The following IFT81 variants were observed in gnomAD, a reference collection of about 807,000 sequenced individuals.
IFT81 encodes intraflagellar transport 81.
IFT81 carries 72 observed loss-of-function variants against 102.6 expected under a neutral mutation model. The observed-to-expected ratio is 0.70, with a 90% CI of 0.58 to 0.85. The LOEUF is 0.85. IFT81 is among the 40% of genes least tolerant of loss of function. The probability of loss-of-function intolerance (pLI) is 0.00; values close to 1 mark genes in which losing one functional copy is unlikely to be tolerated. For missense variants in IFT81, 723 were observed against 787.3 expected, an observed-to-expected ratio of 0.92 and a Z score of 0.98; for synonymous variants, 237 against 242.7, an observed-to-expected ratio of 0.98 and a Z score of 0.22.
At chr12:110,188,883 C>A (rs1897671539) in intron 12 of IFT81, among the ~76,000 whole-genome samples, 1 of 151,512 alleles carries the variant, frequency 6.6e-6, no homozygotes, top group Admixed American at 6.6e-5. Flanking sequence ...GAGCCAAGAT[C>A]GCACCACTGC....
chr12:110,189,862 G>A lies in IFT81; in HGVS notation c.1339-1058G>A, dbSNP rs576080750. ...AACTCATTCTTTATCCTTTACTTGC[G>A]TTCACATCCCTACATCTAATTTGTC... On this transcript the variant is annotated intron_variant, in intron 12 of 18. Transcript: ENST00000242591. Among the ~76,000 whole-genome samples the A allele has an allele frequency of 6.6e-5, 10 of 152,074 alleles. No individual in the cohort carries two copies. In the Middle Eastern group the frequency reaches 0.01, roughly 155 times the overall value.
intron 9 of IFT81, among the ~76,000 whole-genome samples, chr12:110,144,971 T>C (rs949152535): frequency 4.7e-5 from 7 of 149,952 alleles, no homozygotes; most frequent in African/African-American, 1.7e-4. Context: ...GTTCAAGCGA[T>C]TCTTCTACCT....
rs150626525 is a variant in IFT81, at chr12:110,147,179, T to C, written c.1041+131T>C. On this transcript the variant is annotated intron_variant, in intron 10 of 18. Coordinates refer to ENST00000242591, the MANE Select transcript of IFT81 (RefSeq NM_014055.4). ...GTTGTTCTGTCACTGCTAATCTCCA[T>C]AGTATATCAAAGAATTAGTGGAAAA... 8.2e-4 allele frequency: 486 copies of C among 595,342 alleles called. 7 individuals are homozygous for C. The East Asian group carries it at 0.013, about 16-fold the overall frequency. The allele number at this position is 595,342 out of a possible 1,614,324, so 36.9% of individuals were successfully genotyped here.
chr12:110,193,900 TCTTAATTGG>T (rs1165189252), intron 14 of IFT81, among the ~76,000 whole-genome samples: 5 of 152,136 alleles, frequency 3.3e-5, no homozygotes, highest in East Asian at 3.8e-4. Context: ...AAGAAAAAAG[TCTTAATTGG>T]CTCATGGTTC....
chr12:110,170,931 G>T (rs1459525023), intron 11 of IFT81, among the ~76,000 whole-genome samples: 1 of 152,188 alleles, frequency 6.6e-6, no homozygotes, highest in Non-Finnish European at 1.5e-5. Context: ...ATACTTCAAA[G>T]AGAAGCACAA....
rs569179024 is a variant in IFT81 at position 110,197,116 on chromosome 12, G to A, written c.1557+4410G>A. Among the ~76,000 whole-genome samples the A allele has an allele frequency of 3.4e-4, 52 of 152,088 alleles. No homozygotes were observed. In the South Asian group the frequency reaches 0.011, roughly 31 times the overall value. On this transcript the variant is annotated intron_variant, in intron 14 of 18. Transcript: ENST00000242591. ...GGGAGGCTGAGGCAGAAGGATAGCT[G>A]GAGCCCAGGAGTTCGAGGTTGCAGT...
At chr12:110,141,263 C>T (rs1894871680) in intron 8 of IFT81, among the ~76,000 whole-genome samples, 1 of 152,024 alleles carries the variant, frequency 6.6e-6, no homozygotes. Context: ...GTCTCAAACT[C>T]CCAACCTCAG....
At chr12:110,191,800 G>A (rs1039718504) in intron 13 of IFT81, among the ~76,000 whole-genome samples, 4 of 151,822 alleles carry the variant, frequency 2.6e-5, no homozygotes, top group Non-Finnish European at 4.4e-5. Context: ...CCCTCCAGTT[G>A]TCTTGTCCAC....
At position 110,205,684 on chromosome 12, in the gene IFT81, A is replaced by C. The variant is rs1868533879; in HGVS notation, c.1802+4A>C. ...AAGAAAAAAGAAAGGCAATTAGGCA[A>C]GTGATTTTGTTGTTTTATATTGAGA... On this transcript the variant is annotated splice_donor_region_variant and intron_variant, in intron 17 of 18. Transcript: ENST00000242591. The C allele has an allele frequency of 6.4e-7, 1 of 1,569,024 alleles. No individual in the cohort carries two copies. The highest frequency in any genetic ancestry group is 8.6e-7 in the Non-Finnish European group (1 of 1,158,790).
chr12:110,191,445 A>G (rs1455310922), intron 13 of IFT81, among the ~76,000 whole-genome samples: 2 of 152,182 alleles, frequency 1.3e-5, no homozygotes, highest in Admixed American at 6.5e-5. Context: ...TGCTGGGATT[A>G]CAGGCGTGAG....
At chr12:110,197,530 ATAT>A (rs1402882009) in intron 14 of IFT81, among the ~76,000 whole-genome samples, 1 of 103,002 alleles carries the variant, frequency 9.7e-6, no homozygotes, top group Non-Finnish European at 2.0e-5. Flanking sequence ...TTCTATTCTG[ATAT>A]TATTTATTCT....
chr12:110,216,436 C>T (rs1486492519), intron 18 of IFT81: 1 of 448,354 alleles, frequency 2.2e-6, no homozygotes, highest in Admixed American at 2.4e-5. Context: ...CTCAAGCAAT[C>T]CTCCTGCCTT....
Position 110,129,085 on chromosome 12 carries a change from A to G in IFT81, c.384A>G (p.Pro128=), listed in dbSNP as rs1446777705. 6.2e-7 allele frequency: 1 copy of G among 1,605,552 alleles called. No homozygotes were observed. The highest frequency in any genetic ancestry group is 8.5e-7 in the Non-Finnish European group (1 of 1,177,722). Residue 128 remains proline (P), a synonymous_variant, in exon 4 of 19, where the codon CCA becomes CCG. Coordinates refer to ENST00000242591, the MANE Select transcript of IFT81 (RefSeq NM_014055.4). The part of the protein sequence containing the change: ...LARFLIKLEV[P]SEFLQDETVA... ...GTTTTTTAATAAAACTTGAGGTACCAAGTGAGTTTCTTCAGGATGAAACTG... is the reference window on the plus strand; with the variant it reads ...GTTTTTTAATAAAACTTGAGGTACCGAGTGAGTTTCTTCAGGATGAAACTG...
At chr12:110,131,470 C>T (rs1182757467) in intron 4 of IFT81, among the ~76,000 whole-genome samples, 1 of 151,944 alleles carries the variant, frequency 6.6e-6, no homozygotes, top group Admixed American at 6.6e-5. Context: ...CCTCAAGCTC[C>T]TGAGTAGCTG....
intron 12 of IFT81, among the ~76,000 whole-genome samples, chr12:110,184,275 C>T (rs976667981): frequency 9.2e-5 from 14 of 151,934 alleles, no homozygotes; most frequent in South Asian, 8.3e-4. Flanking sequence ...GCGTGAACCC[C>T]GGAGGCAGAG....
At position 110,163,127 on chromosome 12, in the gene IFT81, G is replaced by A. The variant is rs572416008; in HGVS notation, c.1188+62G>A. 5.1e-5 allele frequency: 69 copies of A among 1,352,360 alleles called. 1 individual carries two copies. The highest frequency in any genetic ancestry group is 4.5e-4 in the Admixed American group (21 of 47,032). The allele number at this position is 1,352,360 out of a possible 1,614,324, so 83.8% of individuals were successfully genotyped here. A position where few individuals can be genotyped will look rare whatever the true frequency, so the allele number is the denominator to read the frequency against. ...ATTGTTTTTATGTGAAACTATTAGT[G>A]TGTTTGACTTTCTTAGTGTGAATGT... On this transcript the variant is annotated intron_variant, in intron 11 of 18. Coordinates refer to ENST00000242591, the MANE Select transcript of IFT81 (RefSeq NM_014055.4).
rs1439184555 is a variant in IFT81 at position 110,192,073 on chromosome 12, A to C, written c.1468-544A>C. On this transcript the variant is annotated intron_variant, in intron 13 of 18. Coordinates refer to ENST00000242591, the MANE Select transcript of IFT81 (RefSeq NM_014055.4). ...GTAGTTCCAGCTTCTCAGGAGGCTG[A>C]GGCATGAGAATCACTTTAACCTGGG... Among the ~76,000 whole-genome samples the C allele has an allele frequency of 3.3e-5, 5 of 151,614 alleles. No homozygotes were observed. The South Asian group carries it at 1.1e-3, about 32-fold the overall frequency.
Position 110,187,247 on chromosome 12 carries a change from T to C in IFT81, c.1339-3673T>C, listed in dbSNP as rs1215437279. Among the ~76,000 whole-genome samples, 14 of 148,686 alleles carry C rather than the reference T, an allele frequency of 9.4e-5. No individual in the cohort carries two copies. In the Admixed American group the frequency reaches 9.9e-4, roughly 10 times the overall value. ...CATGTCTGAAATTTATTTGAGCATC[T>C]ATTCCTGTTGTTTTTGTTTTTGTTT... On this transcript the variant is annotated intron_variant, in intron 12 of 18. Coordinates refer to ENST00000242591, the MANE Select transcript of IFT81 (RefSeq NM_014055.4).
intron 10 of IFT81, among the ~76,000 whole-genome samples, chr12:110,159,347 C>T (rs985482404): frequency 9.2e-5 from 14 of 152,010 alleles, no homozygotes; most frequent in African/African-American, 3.4e-4. Context: ...GTGGTCTCAG[C>T]TACTTAGGAG....
Sources: allele counts gnomAD v4.1 joint callset (sites outside exome capture counted in the v4.1 genomes callset), GRCh38; gene constraint gnomAD v4.1.1; transcripts MANE v1.5; gene names NCBI Gene and HGNC (gene_info 2026-07-23, HGNC 2026-07-21).